Variants in GABPB1 observed in about 807,000 individuals in gnomAD.
GABPB1 encodes the protein GA binding protein transcription factor subunit beta 1, also known as GA-binding protein subunit beta-1.
A neutral mutation model predicts 45.9 loss-of-function variants in GABPB1; 15 were observed. That is an observed-to-expected ratio of 0.33 (90% confidence interval 0.22 to 0.50). The LOEUF (loss-of-function observed/expected upper bound fraction) is 0.50. GABPB1 is among the 20% of genes least tolerant of loss of function. GABPB1 has a pLI of 0.98. For synonymous variants in GABPB1, 143 were observed against 154.4 expected, an observed-to-expected ratio of 0.93 and a Z score of 0.55; for missense variants, 252 against 457.5, an observed-to-expected ratio of 0.55 and a Z score of 4.10.
At chr15:50,313,718 C>G (rs1003454937) in intron 1 of GABPB1, among the ~76,000 whole-genome samples, 3 of 151,900 alleles carry the variant, frequency 2.0e-5, no homozygotes, top group African/African-American at 7.3e-5. Context: ...AGATATAAAT[C>G]TTTTTAACGT....
chr15:50,304,861 T>C (rs2046887187), intron 2 of GABPB1, among the ~76,000 whole-genome samples: 1 of 152,252 alleles, frequency 6.6e-6, no homozygotes, highest in African/African-American at 2.4e-5. Flanking sequence ...TGTACATTTT[T>C]ACTTTAAGTG....
At chr15:50,304,971 T>C (rs1238072616) in intron 2 of GABPB1, among the ~76,000 whole-genome samples, 1 of 152,184 alleles carries the variant, frequency 6.6e-6, no homozygotes, top group Non-Finnish European at 1.5e-5. Flanking sequence ...TTAGGTGCAT[T>C]TGCCAAAGTT....
intron 8 of GABPB1, among the ~76,000 whole-genome samples, chr15:50,279,321 T>G (rs763174962): frequency 3.3e-5 from 5 of 152,140 alleles, no homozygotes; most frequent in Non-Finnish European, 7.3e-5. Context: ...TAGTAAGAAG[T>G]TGGATTTATA....
rs576320807 is a variant in GABPB1 at position 50,287,260 on chromosome 15, C to T, written c.884-1077G>A. Among the ~76,000 whole-genome samples the T allele has an allele frequency of 1.1e-4, 17 of 151,908 alleles. No individual in the cohort carries two copies. The South Asian group carries it at 3.5e-3, about 32-fold the overall frequency. ...GAACTTTCTCATGGTTATTCTTTTC[C>T]AGAGTTTTCCTTATTCTTCTTCCCT... On this transcript the variant is annotated intron_variant, in intron 7 of 8. Coordinates refer to ENST00000380877, the MANE Select transcript of GABPB1 (RefSeq NM_016654.5).
At chr15:50,307,943 T>A (rs774501159) in intron 2 of GABPB1, among the ~76,000 whole-genome samples, 2 of 152,198 alleles carry the variant, frequency 1.3e-5, no homozygotes, top group Non-Finnish European at 2.9e-5. Context: ...ACATGATCCT[T>A]CATGATTCCT....
At chr15:50,281,423 G>T (rs2045970987) in intron 8 of GABPB1, among the ~76,000 whole-genome samples, 1 of 152,150 alleles carries the variant, frequency 6.6e-6, no homozygotes, top group South Asian at 2.1e-4. Context: ...ATGTTAGCCA[G>T]GATGGTCTCA....
At chr15:50,329,134 C>T (rs1053269201) in intron 1 of GABPB1, among the ~76,000 whole-genome samples, 1 of 152,098 alleles carries the variant, frequency 6.6e-6, no homozygotes, top group Non-Finnish European at 1.5e-5. Flanking sequence ...CTGCTCCAGA[C>T]CCAGAATCAG....
chr15:50,336,352 C>T (rs8032970), intron 1 of GABPB1, among the ~76,000 whole-genome samples: 20,101 of 57,270 alleles, frequency 0.35, 3,752 homozygotes, highest in African/African-American at 0.58. Context: ...AGACTCTGTC[C>T]CAAAAAAAAA....
At chr15:50,321,650 C>A (rs1434014960) in intron 1 of GABPB1, among the ~76,000 whole-genome samples, 2 of 149,442 alleles carry the variant, frequency 1.3e-5, no homozygotes, top group Non-Finnish European at 3.0e-5. Flanking sequence ...TGCAGCGAGC[C>A]GAGATTCCGC....
Position 50,325,304 on chromosome 15 carries a change from CAAA to C in GABPB1, c.1-15509_1-15507del, listed in dbSNP as rs35524259. Among the ~76,000 whole-genome samples the C allele has an allele frequency of 6.2e-3, 751 of 120,952 alleles. 1 individual carries two copies. The highest frequency in any genetic ancestry group is 7.5e-3 in the African/African-American group (238 of 31,770). The allele number at this position is 120,952 out of a possible 152,430, so 79.3% of individuals were successfully genotyped here. A position where few individuals can be genotyped will look rare whatever the true frequency, so the allele number is the denominator to read the frequency against. Reference sequence around the variant, plus strand: ...GCACTAAGGCAATATGATGTTATGCCAAAAAAAAAAAAAAAAAAGGCACGGCTA... The same window carrying C: ...GCACTAAGGCAATATGATGTTATGCCAAAAAAAAAAAAAAAGGCACGGCTA... On this transcript the variant is annotated intron_variant, in intron 1 of 8. Coordinates refer to ENST00000380877, the MANE Select transcript of GABPB1 (RefSeq NM_016654.5).
chr15:50,289,765 T>C (rs45521237), intron 6 of GABPB1, 97 bp from the exon 7 acceptor site: 2 of 807,420 alleles, frequency 2.5e-6, no homozygotes, highest in Admixed American at 3.4e-5. Flanking sequence ...CTATGCTTCT[T>C]TCTTTTCTTT....
At chr15:50,316,607 C>T (rs1036815847) in intron 1 of GABPB1, among the ~76,000 whole-genome samples, 4 of 111,402 alleles carry the variant, frequency 3.6e-5, no homozygotes, top group Non-Finnish European at 8.7e-5. Flanking sequence ...CACATCCCTA[C>T]ACACACCCAG....
intron 2 of GABPB1, among the ~76,000 whole-genome samples, chr15:50,304,640 G>A (rs1439715835): frequency 6.6e-6 from 1 of 151,780 alleles, no homozygotes; most frequent in Non-Finnish European, 1.5e-5. Flanking sequence ...GAACCCAGGA[G>A]GCAGAGGTTG....
chr15:50,339,433 A>AG (rs1325725594), intron 1 of GABPB1, among the ~76,000 whole-genome samples: 1 of 150,496 alleles, frequency 6.6e-6, no homozygotes. Context: ...TGGGAAGCAG[A>AG]GGTTGCAGTG....
intron 1 of GABPB1, among the ~76,000 whole-genome samples, chr15:50,317,708 C>T (rs62022571): frequency 6.6e-6 from 1 of 151,662 alleles, no homozygotes; most frequent in African/African-American, 2.4e-5. Context: ...AGGAGATTGA[C>T]ACCATCCTGG....
At chr15:50,334,934 G>C (rs908690818) in intron 1 of GABPB1, among the ~76,000 whole-genome samples, 1 of 151,934 alleles carries the variant, frequency 6.6e-6, no homozygotes, top group African/African-American at 2.4e-5. Flanking sequence ...GTTTCTACTG[G>C]TTCATGCCTA....
At chr15:50,326,668 A>C (rs2047778329) in intron 1 of GABPB1, among the ~76,000 whole-genome samples, 1 of 151,986 alleles carries the variant, frequency 6.6e-6, no homozygotes, top group African/African-American at 2.4e-5. Context: ...TCTCAAAAAA[A>C]AAAATGAAAA....
At chr15:50,349,416 C>A (rs2048736666) in intron 1 of GABPB1, 1 of 152,102 alleles carries the variant, frequency 6.6e-6, no homozygotes, top group South Asian at 2.1e-4. Context: ...AACATTTAAT[C>A]TTTCCAATCA....
Position 50,281,206 on chromosome 15 carries a change from A to G in GABPB1, c.1000-2422T>C, listed in dbSNP as rs1414214337. Among the ~76,000 whole-genome samples the G allele has an allele frequency of 2.0e-5, 3 of 152,138 alleles. No homozygotes were observed. The East Asian group carries it at 5.8e-4, about 29-fold the overall frequency. ...ATCTTTAAGATTGAAAGTATAATTAACACTATAATTTTTTTTTCTTTTTGA... is the reference window on the plus strand; with the variant it reads ...ATCTTTAAGATTGAAAGTATAATTAGCACTATAATTTTTTTTTCTTTTTGA... On this transcript the variant is annotated intron_variant, in intron 8 of 8. Coordinates refer to ENST00000380877, the MANE Select transcript of GABPB1 (RefSeq NM_016654.5).
Sources: allele counts gnomAD v4.1 joint callset (sites outside exome capture counted in the v4.1 genomes callset), GRCh38; gene constraint gnomAD v4.1.1; transcripts MANE v1.5; gene names NCBI Gene and HGNC (gene_info 2026-07-23, HGNC 2026-07-21).